ERP44: variants seen among roughly 807,000 people sequenced by gnomAD.
ERP44 encodes the protein endoplasmic reticulum resident protein 44.
ERP44 carries 25 observed loss-of-function variants against 53.4 expected under a neutral mutation model. The observed-to-expected ratio is 0.47, with a 90% CI of 0.34 to 0.65. The LOEUF is 0.65. Among genes scored for constraint, ERP44 ranks in the 30% least tolerant of loss-of-function variants. The pLI is 0.01. For synonymous variants in ERP44, 145 were observed against 161.2 expected, an observed-to-expected ratio of 0.90 and a Z score of 0.76; for missense variants, 338 against 493.2, an observed-to-expected ratio of 0.69 and a Z score of 2.98.
chr9:99,982,735 AT>A, intron 11 of ERP44, 22 bp from the exon 12 acceptor site: 2 of 1,455,306 alleles, frequency 1.4e-6, no homozygotes, highest in Non-Finnish European at 1.9e-6. Context: ...AGAATAAAAC[AT>A]TTTTATACCA....
intron 10 of ERP44, chr9:99,998,721 T>G (rs1372387180): frequency 2.6e-5 from 19 of 724,734 alleles, no homozygotes; most frequent in Middle Eastern, 3.6e-4. Context: ...TTATCTCATT[T>G]TTTGCATCTC....
intron 8 of ERP44, among the ~76,000 whole-genome samples, chr9:100,015,353 A>G (rs1830516483): frequency 6.6e-6 from 1 of 152,250 alleles, no homozygotes; most frequent in African/African-American, 2.4e-5. Context: ...TTGGTTTTAA[A>G]AACAAAAGAC....
chr9:100,068,510 G>A (rs1826257711), intron 1 of ERP44, among the ~76,000 whole-genome samples: 7 of 143,806 alleles, frequency 4.9e-5, no homozygotes, highest in Admixed American at 4.7e-4. Flanking sequence ...GCCCCGTCCG[G>A]GAGGGAGGTG....
At chr9:100,098,717 T>C (rs1296988177) in intron 1 of ERP44, 67 bp downstream of exon 1, 3 of 1,296,358 alleles carry the variant, frequency 2.3e-6, no homozygotes, top group African/African-American at 1.5e-5. Flanking sequence ...AGTAGCAGTG[T>C]TCCCCCTGGG....
intron 10 of ERP44, among the ~76,000 whole-genome samples, chr9:100,000,201 G>A (rs1830361903): frequency 6.6e-6 from 1 of 152,090 alleles, no homozygotes; most frequent in Non-Finnish European, 1.5e-5. Context: ...AAGGCCGTAA[G>A]TGGGAGGATC....
intron 8 of ERP44, 103 bp downstream of exon 8, chr9:100,016,219 T>C (rs1830524508): frequency 1.4e-6 from 2 of 1,474,982 alleles, no homozygotes; most frequent in Middle Eastern, 1.9e-4. Context: ...ACTATATGAT[T>C]CTTACAATTC....
At chr9:100,029,924 C>T (rs1286045086) in intron 4 of ERP44, among the ~76,000 whole-genome samples, 3 of 152,066 alleles carry the variant, frequency 2.0e-5, no homozygotes, top group Non-Finnish European at 4.4e-5. Context: ...CCCGTCTCTA[C>T]TAAAAATACA....
chr9:100,078,917 G>A (rs138639595), intron 1 of ERP44, among the ~76,000 whole-genome samples: 38 of 152,292 alleles, frequency 2.5e-4, no homozygotes, highest in South Asian at 2.5e-3. Flanking sequence ...AAGGATAGTT[G>A]TATTATGTTA....
intron 4 of ERP44, among the ~76,000 whole-genome samples, chr9:100,037,685 G>A (rs568061368): frequency 8.5e-5 from 13 of 152,110 alleles, no homozygotes; most frequent in Non-Finnish European, 1.3e-4. Flanking sequence ...CCAGACAGTC[G>A]TGAAGCACCC....
At chr9:100,097,043 T>C (rs954479464) in intron 1 of ERP44, among the ~76,000 whole-genome samples, 1 of 152,202 alleles carries the variant, frequency 6.6e-6, no homozygotes, top group Admixed American at 6.5e-5. Flanking sequence ...TTTCTGGGGC[T>C]TTTTCAGCCT....
chr9:100,093,850 A>G (rs139676566), intron 1 of ERP44, among the ~76,000 whole-genome samples: 1 of 152,352 alleles, frequency 6.6e-6, no homozygotes, highest in East Asian at 1.9e-4. Context: ...CTCACCCATC[A>G]GACTGACAAA....
rs59132233 is a variant in ERP44 at position 99,983,551 on chromosome 9, C to CAAA, written c.1120-841_1120-839dup. 4.8e-4 allele frequency among the ~76,000 whole-genome samples: 32 copies of CAAA among 66,956 alleles called. 1 individual carries two copies. The highest frequency in any genetic ancestry group is 1.3e-3 in the African/African-American group (20 of 14,816). 43.9% of individuals were successfully genotyped at this position (66,956 alleles called of 152,430 possible). On this transcript the variant is annotated intron_variant, in intron 11 of 11. Transcript: ENST00000262455. ...TGGGCGACAGAGCGAGACTCCGTCT[C>CAAA]AAAAAAAAAAAAAAAAAAAAAAAAG...
intron 3 of ERP44, among the ~76,000 whole-genome samples, chr9:100,056,680 C>A (rs1826091113): frequency 6.6e-6 from 1 of 151,860 alleles, no homozygotes; most frequent in Admixed American, 6.6e-5. Flanking sequence ...TAGAACTTAA[C>A]TAAGTAAAGA....
At chr9:100,000,451 A>C (rs1830364441) in intron 10 of ERP44, among the ~76,000 whole-genome samples, 1 of 151,754 alleles carries the variant, frequency 6.6e-6, no homozygotes, top group Non-Finnish European at 1.5e-5. Flanking sequence ...AAAAAAAAAA[A>C]AAACTTTCTC....
At chr9:100,015,684 G>A (rs1830519327) in intron 8 of ERP44, among the ~76,000 whole-genome samples, 1 of 152,216 alleles carries the variant, frequency 6.6e-6, no homozygotes, top group African/African-American at 2.4e-5. Flanking sequence ...TGCTCCTAAA[G>A]CAGCAGTCCC....
intron 1 of ERP44, among the ~76,000 whole-genome samples, chr9:100,061,242 G>A (rs1826143261): frequency 1.3e-5 from 2 of 151,900 alleles, no homozygotes; most frequent in South Asian, 4.1e-4. Context: ...TCAAAAGATC[G>A]AGACCATCCT....
chr9:99,982,684 A>C lies in ERP44; in HGVS notation c.1149T>G (p.Pro383=). 6.2e-7 allele frequency: 1 copy of C among 1,610,152 alleles called. No individual in the cohort carries two copies. The highest frequency in any genetic ancestry group is 8.5e-7 in the Non-Finnish European group (1 of 1,178,730). ...EQAQDVASSP[P]ESSFQKLAPS... is the part of the protein sequence containing the mutation. ...GTGCTAGTTTCTGGAAGGAGCTCTC[A>C]GGTGGACTGCTTGCTACATCTTGGG... The change falls in exon 12 of 12, where the codon CCT becomes CCG. Residue 383 remains proline, a synonymous_variant. Transcript: ENST00000262455.
In ERP44 at chr9:100,067,863, AG is replaced by A. The variant is rs1321906465; in HGVS notation, c.58-7692del. On this transcript the variant is annotated intron_variant, in intron 1 of 11. Transcript: ENST00000262455. ...TGGCCGCCCCGTCTGAGAAGTGAGG[AG>A]CCCCTCCGCCCGGCAGCCGCCCCGC... 8.1e-5 allele frequency among the ~76,000 whole-genome samples: 12 copies of A among 148,630 alleles called. No homozygotes were observed. The East Asian group carries it at 2.4e-3, about 30-fold the overall frequency.
At chr9:100,042,525 A>T (rs1825916352) in intron 4 of ERP44, among the ~76,000 whole-genome samples, 1 of 152,132 alleles carries the variant, frequency 6.6e-6, no homozygotes, top group African/African-American at 2.4e-5. Context: ...GTAAAAATAG[A>T]ACGACCATAT....
Sources: allele counts gnomAD v4.1 joint callset (sites outside exome capture counted in the v4.1 genomes callset), GRCh38; gene constraint gnomAD v4.1.1; transcripts MANE v1.5; gene names NCBI Gene and HGNC (gene_info 2026-07-23, HGNC 2026-07-21).